The following S100G variants were observed in gnomAD, a reference collection of about 807,000 sequenced individuals.
S100G encodes the protein S100 calcium binding protein G, also known as protein S100-G.
A neutral mutation model predicts 4.4 loss-of-function variants in S100G; 4 were observed. The observed-to-expected ratio is 0.91, with a 90% CI of 0.45 to 2.09. The LOEUF (loss-of-function observed/expected upper bound fraction) is 2.09. S100G is among the 30% of genes most tolerant of loss of function. The pLI, the probability that S100G is intolerant of heterozygous loss-of-function variation, is 0.03. For synonymous variants in S100G, 24 were observed against 20.1 expected (o/e 1.20, Z -0.53); for missense variants, 48 against 49.8 (o/e 0.96, Z 0.11).
At chrX:16,651,229 G>A in intron 2 of S100G, 88 bp downstream of exon 2, 1 of 915,924 alleles carries the variant, frequency 1.1e-6, no homozygotes, top group Non-Finnish European at 1.5e-6. Context: ...GAGCCTTATA[G>A]GGACCGTCGC....
intron 2 of S100G, among the ~76,000 whole-genome samples, chrX:16,652,842 T>C (rs1477190927): frequency 1.8e-5 from 2 of 111,880 alleles, no homozygotes; most frequent in Non-Finnish European, 3.8e-5. Context: ...ATCATCACCA[T>C]GCATGGTTTA....
intron 2 of S100G, among the ~76,000 whole-genome samples, chrX:16,653,483 G>A (rs186889296): frequency 8.8e-4 from 99 of 111,998 alleles, no homozygotes; most frequent in South Asian, 2.2e-3. Context: ...GGTGGCACAC[G>A]CCTTTAGTCC....
intron 2 of S100G, among the ~76,000 whole-genome samples, chrX:16,651,674 T>C (rs1416446262): frequency 8.9e-6 from 1 of 112,376 alleles, no homozygotes. Context: ...TTTGTGTTAA[T>C]GAGGCAACCG....
At chrX:16,653,420 C>T (rs1461425615) in intron 2 of S100G, among the ~76,000 whole-genome samples, 1 of 112,249 alleles carries the variant, frequency 8.9e-6, no homozygotes, top group Non-Finnish European at 1.9e-5. Context: ...CCAGCTTGAA[C>T]AACACAGCAA....
chrX:16,653,442 T>C (rs1932747057), intron 2 of S100G, among the ~76,000 whole-genome samples: 1 of 112,155 alleles, frequency 8.9e-6, no homozygotes, highest in Non-Finnish European at 1.9e-5. Flanking sequence ...ACCTTGTCTC[T>C]ATTAAAACTT....
At chrX:16,653,109 CAT>C (rs770365120) in intron 2 of S100G, among the ~76,000 whole-genome samples, 13 of 109,337 alleles carry the variant, frequency 1.2e-4, no homozygotes, top group Admixed American at 3.0e-4. Context: ...TTTATATATA[CAT>C]ATATATATAT....
At chrX:16,651,386 A>G (rs1356550604) in intron 2 of S100G, among the ~76,000 whole-genome samples, 2 of 111,868 alleles carry the variant, frequency 1.8e-5, no homozygotes, top group Non-Finnish European at 3.8e-5. Flanking sequence ...TAATAAATGG[A>G]AGCAATGCCA....
intron 2 of S100G, among the ~76,000 whole-genome samples, chrX:16,652,135 T>C (rs1433713431): frequency 2.7e-5 from 3 of 111,158 alleles, no homozygotes; most frequent in Non-Finnish European, 5.7e-5. Context: ...ATATTAAGGG[T>C]AGTCAGATAC....
At chrX:16,654,371 C>A in intron 2 of S100G, 34 bp from the exon 3 acceptor site, 2 of 960,626 alleles carry the variant, frequency 2.1e-6, no homozygotes, top group Non-Finnish European at 2.9e-6. Context: ...TTTTTTCTCC[C>A]CTCCCTTCTC....
intron 2 of S100G, among the ~76,000 whole-genome samples, chrX:16,651,359 C>T (rs1412568726): frequency 8.9e-6 from 1 of 111,763 alleles, no homozygotes; most frequent in African/African-American, 3.3e-5. Flanking sequence ...CAGCACAGGA[C>T]TCTGCAGGAC....
intron 1 of S100G, among the ~76,000 whole-genome samples, chrX:16,650,511 C>CTT (rs1167079038): frequency 0.015 from 1,142 of 77,038 alleles, 31 homozygotes; most frequent in African/African-American, 0.047. Context: ...TCTAAGATGT[C>CTT]TTTTTTTTTT....
intron 2 of S100G, among the ~76,000 whole-genome samples, chrX:16,652,020 G>A (rs902610752): frequency 3.7e-5 from 4 of 108,207 alleles, no homozygotes; most frequent in Admixed American, 2.0e-4. Context: ...GAGCAGGATG[G>A]GGGGGGCCAG....
At chrX:16,652,447 TC>T (rs1932689554) in intron 2 of S100G, among the ~76,000 whole-genome samples, 1 of 112,280 alleles carries the variant, frequency 8.9e-6, no homozygotes, top group Non-Finnish European at 1.9e-5. Context: ...TCTGATATTT[TC>T]TCATTTTCTC....
chrX:16,651,713 A>G (rs775144646), intron 2 of S100G, among the ~76,000 whole-genome samples: 41 of 112,491 alleles, frequency 3.6e-4, no homozygotes, highest in Non-Finnish European at 6.6e-4. Context: ...TCAAGAAAGG[A>G]CTAAATTTCC....
intron 2 of S100G, among the ~76,000 whole-genome samples, 187 bp from the exon 3 acceptor site, chrX:16,654,218 T>C (rs1292918229): frequency 1.8e-5 from 2 of 112,823 alleles, no homozygotes; most frequent in Non-Finnish European, 3.7e-5. Context: ...TAGCCAGTTC[T>C]ATGACACGGA....
At chrX:16,650,790 C>T (rs928045657) in intron 1 of S100G, among the ~76,000 whole-genome samples, 2 of 110,497 alleles carry the variant, frequency 1.8e-5, no homozygotes, top group African/African-American at 6.6e-5. Flanking sequence ...GGATTACAGG[C>T]ATGAGCTACC....
chrX:16,650,394 TCAGGTA>T (rs1262905810), intron 1 of S100G, among the ~76,000 whole-genome samples, 191 bp downstream of exon 1: 2 of 111,076 alleles, frequency 1.8e-5, no homozygotes, highest in Admixed American at 1.9e-4. Flanking sequence ...AGAGTGCAGA[TCAGGTA>T]CATAAAAAGT....
chrX:16,653,252 G>A (rs1932735289), intron 2 of S100G, among the ~76,000 whole-genome samples: 3 of 110,954 alleles, frequency 2.7e-5, no homozygotes, highest in Admixed American at 9.7e-5. Context: ...TTTTATGGTA[G>A]AGACAAAAAT....
intron 2 of S100G, among the ~76,000 whole-genome samples, chrX:16,654,048 T>C (rs1932763960): frequency 8.9e-6 from 1 of 112,007 alleles, no homozygotes. Context: ...TCCTCAACTG[T>C]TTGTGTGCCG....
Sources: allele counts gnomAD v4.1 joint callset (sites outside exome capture counted in the v4.1 genomes callset), GRCh38; gene constraint gnomAD v4.1.1; transcripts MANE v1.5; gene names NCBI Gene and HGNC (gene_info 2026-07-23, HGNC 2026-07-21).